Variants in FLT3 observed in about 807,000 individuals in gnomAD.
The protein encoded by FLT3 is fms related receptor tyrosine kinase 3, also known as receptor-type tyrosine-protein kinase FLT3.
FLT3 carries 46 observed loss-of-function variants against 126.6 expected under a neutral mutation model. That is an observed-to-expected ratio of 0.36 (90% confidence interval 0.29 to 0.46). The LOEUF (loss-of-function observed/expected upper bound fraction) is 0.46, where lower values mean the gene tolerates loss of function less well. Ranked by LOEUF, FLT3 falls within the 20% of genes least tolerant of loss-of-function variation. FLT3 has a pLI of 1.00. For synonymous variants in FLT3, 404 were observed against 434.4 expected (o/e 0.93, Z 0.87); for missense variants, 1,069 against 1,190.3 (o/e 0.90, Z 1.50).
chr13:28,031,238 G>GA (rs1200467680), intron 15 of FLT3, among the ~76,000 whole-genome samples: 2 of 151,860 alleles, frequency 1.3e-5, no homozygotes, highest in Non-Finnish European at 2.9e-5. Flanking sequence ...AAAAAAAGAA[G>GA]AAAAAATGCA....
intron 23 of FLT3, 58 bp downstream of exon 23, chr13:28,014,394 G>T: frequency 8.3e-7 from 1 of 1,207,844 alleles, no homozygotes; most frequent in East Asian, 2.3e-5. Context: ...ACAGCAACAA[G>T]TGTTTTAATT....
chr13:28,048,994 T>G (rs1489229943), intron 8 of FLT3, among the ~76,000 whole-genome samples: 1 of 152,228 alleles, frequency 6.6e-6, no homozygotes, highest in East Asian at 1.9e-4. Flanking sequence ...CAGTGCTCAC[T>G]GCCCTAACAG....
At chr13:28,043,831 G>A (rs1874599568) in intron 9 of FLT3, among the ~76,000 whole-genome samples, 1 of 152,094 alleles carries the variant, frequency 6.6e-6, no homozygotes, top group Admixed American at 6.6e-5. Context: ...GCAAAAAGAA[G>A]CCAGGAAAGG....
In FLT3 at chr13:28,061,998, G is replaced by A. The variant is rs563361855; in HGVS notation, c.237C>T (p.Ala79=). 103 of 1,613,402 alleles carry A rather than the reference G, an allele frequency of 6.4e-5. No individual in the cohort carries two copies. Among genetic ancestry groups the A allele is most frequent in the South Asian group, 3.7e-4 (34 of 91,034 alleles). ...AAGCAGATACATCCACTTCCACAGC[G>A]GCAGCTTCGTACACTGTCCCTGAGC... ...PQSSGTVYEA[A]AVEVDVSASI... is the part of the protein sequence containing the mutation. Residue 79 remains alanine, a synonymous_variant, in exon 3 of 24, where the codon GCC becomes GCT. Coordinates refer to ENST00000241453, the MANE Select transcript of FLT3 (RefSeq NM_004119.3).
At chr13:28,022,233 C>A (rs551897800) in intron 19 of FLT3, among the ~76,000 whole-genome samples, 1 of 151,638 alleles carries the variant, frequency 6.6e-6, no homozygotes, top group Non-Finnish European at 1.5e-5. Flanking sequence ...GAAAAAAGGC[C>A]GAGTGTGGTG....
At chr13:28,053,551 C>G (rs1003564578) in intron 4 of FLT3, among the ~76,000 whole-genome samples, 1 of 151,958 alleles carries the variant, frequency 6.6e-6, no homozygotes, top group African/African-American at 2.4e-5. Flanking sequence ...CTCAACTGCA[C>G]GTATCCTTTA....
chr13:28,090,713 G>A lies in FLT3; in HGVS notation c.43+9755C>T, dbSNP rs1878978622. Among the ~76,000 whole-genome samples the A allele has an allele frequency of 5.9e-5, 9 of 152,266 alleles. No individual in the cohort carries two copies. The South Asian group carries it at 1.7e-3, about 28-fold the overall frequency. ...GGATCACTGAAGCCCGCAAAGTGAA[G>A]CCTGCAGTGAGCCAAGATCATGCCA... On this transcript the variant is annotated intron_variant, in intron 1 of 23. Transcript: ENST00000241453.
chr13:28,068,282 T>TAAAAGCATCTTAAA (rs1454309874), intron 2 of FLT3: 1 of 152,408 alleles, frequency 6.6e-6, no homozygotes, highest in African/African-American at 2.4e-5. Context: ...CTTGGTGCCT[T>TAAAAGCATCTTAAA]AGTATAGTCA....
chr13:28,015,104 G>C, intron 22 of FLT3, 53 bp downstream of exon 22: 1 of 1,135,420 alleles, frequency 8.8e-7, no homozygotes, highest in Non-Finnish European at 1.3e-6. Flanking sequence ...TTTGGAAGTA[G>C]ACAGACTGTA....
At chr13:28,091,915 C>T (rs1329075099) in intron 1 of FLT3, among the ~76,000 whole-genome samples, 2 of 151,822 alleles carry the variant, frequency 1.3e-5, no homozygotes, top group African/African-American at 4.8e-5. Flanking sequence ...ACTAAAAATA[C>T]AAAAATTAGC....
chr13:28,028,433 A>G (rs1325332535), intron 15 of FLT3, 145 bp from the exon 16 acceptor site: 1 of 602,758 alleles, frequency 1.7e-6, no homozygotes, highest in Admixed American at 2.7e-5. Flanking sequence ...ATGGTGGGTC[A>G]TGCCTGTAAT....
chr13:28,029,855 A>G (rs1310466563), intron 15 of FLT3, among the ~76,000 whole-genome samples: 1 of 152,222 alleles, frequency 6.6e-6, no homozygotes, highest in Non-Finnish European at 1.5e-5. Context: ...CAGATAGCTC[A>G]GCAAACTGTA....
intron 10 of FLT3, among the ~76,000 whole-genome samples, 165 bp downstream of exon 10, chr13:28,037,020 T>C (rs907058881): frequency 6.6e-6 from 1 of 152,126 alleles, no homozygotes; most frequent in African/African-American, 2.4e-5. Flanking sequence ...AAAAGATATA[T>C]GATCAATGCC....
At chr13:28,088,899 A>C (rs947208068) in intron 1 of FLT3, among the ~76,000 whole-genome samples, 7 of 152,164 alleles carry the variant, frequency 4.6e-5, no homozygotes, top group Non-Finnish European at 1.0e-4. Flanking sequence ...ACATTCTTAA[A>C]AAATGAAGAC....
intron 23 of FLT3, among the ~76,000 whole-genome samples, chr13:28,005,827 T>C (rs1183952939): frequency 6.6e-6 from 1 of 152,230 alleles, no homozygotes; most frequent in Admixed American, 6.5e-5. Context: ...ATCTCTTCTC[T>C]TTTGCTGAGC....
At position 28,100,567 on chromosome 13, in the gene FLT3, G is replaced by A; in HGVS notation, c.-57C>T. On this transcript the variant is annotated 5_prime_UTR_variant, in exon 1 of 24. Coordinates refer to ENST00000241453, the MANE Select transcript of FLT3 (RefSeq NM_004119.3). This position sits in a 1 kb window ranked among gnomAD's most constrained non-coding sequence, Gnocchi z 4.8. ...CCGGCCCAGCCCTGCGATGCCGCCT[G>A]GAGCGGCGCGCCTCGCGCTGCAGGT... The A allele has an allele frequency of 8.9e-7, 1 of 1,118,634 alleles. No homozygotes were observed. The highest frequency in any genetic ancestry group is 1.1e-6 in the Non-Finnish European group (1 of 890,760). The allele number at this position is 1,118,634 out of a possible 1,614,324, so 69.3% of individuals were successfully genotyped here.
In FLT3 at chr13:28,024,915, G is replaced by A. The variant is rs1269946798; in HGVS notation, c.2236C>T (p.His746Tyr). 1 of 1,611,556 alleles carries A rather than the reference G, an allele frequency of 6.2e-7. No homozygotes were observed. The highest frequency in any genetic ancestry group is 8.5e-7 in the Non-Finnish European group (1 of 1,178,846). Residue 746 changes from histidine (H) to tyrosine (Y), a missense_variant, in exon 18 of 24, where the codon CAC becomes TAC. Physicochemically the swap from His to Tyr is moderately conservative, Grantham distance 83. Transcript: ENST00000241453. ...CCTGAGATTTGATCCGAGTCCGGGT[G>A]TATCTGAACTTCTCTTGAACCAGGC... ...SMPGSREVQIHPDSDQISGLH... is the reference protein window; with the variant it reads ...SMPGSREVQIYPDSDQISGLH...
intron 1 of FLT3, among the ~76,000 whole-genome samples, chr13:28,077,881 A>T (rs142590760): frequency 0.014 from 2,157 of 152,286 alleles, 22 homozygotes; most frequent in Middle Eastern, 0.027. Context: ...TGGCCAAAAC[A>T]AAGGGGTTAC....
chr13:28,028,101 G>C (rs1593232322), intron 16 of FLT3, 77 bp downstream of exon 16: 2 of 773,154 alleles, frequency 2.6e-6, no homozygotes, highest in South Asian at 1.4e-5. Flanking sequence ...GAGAGAGAGA[G>C]AGAGAGAGAG....
Sources: allele counts gnomAD v4.1 joint callset (sites outside exome capture counted in the v4.1 genomes callset), GRCh38; gene constraint gnomAD v4.1.1; non-coding constraint Gnocchi (gnomAD v3.1); transcripts MANE v1.5; gene names NCBI Gene and HGNC (gene_info 2026-07-23, HGNC 2026-07-21).